Variants in PTPRM observed in about 807,000 individuals in gnomAD.
The protein encoded by PTPRM is receptor-type tyrosine-protein phosphatase mu.
In PTPRM, 47 loss-of-function variants were observed where a neutral mutation model predicts 186.7. The ratio of observed to expected loss-of-function variants is 0.25; its 90% CI spans 0.20 to 0.32. The LOEUF (loss-of-function observed/expected upper bound fraction) is 0.32. PTPRM is among the 10% of genes least tolerant of loss of function. The probability of loss-of-function intolerance (pLI) is 1.00; values close to 1 mark genes in which losing one functional copy is unlikely to be tolerated. For missense variants in PTPRM, 1,494 were observed against 1,865.0 expected, an observed-to-expected ratio of 0.80 and a Z score of 3.66; for synonymous variants, 668 against 674.9, an observed-to-expected ratio of 0.99 and a Z score of 0.16.
At chr18:8,314,890 A>C in intron 21 of PTPRM, 33 bp downstream of exon 21, 1 of 1,368,720 alleles carries the variant, frequency 7.3e-7, no homozygotes, top group Non-Finnish European at 1.0e-6. Flanking sequence ...TTGATATATA[A>C]TTGTTGTACA....
intron 2 of PTPRM, among the ~76,000 whole-genome samples, chr18:7,800,580 A>ACAAAT (rs766265173): frequency 1.3e-5 from 2 of 152,348 alleles, no homozygotes; most frequent in East Asian, 3.9e-4. Flanking sequence ...CATGTAATGG[A>ACAAAT]CAAATCAAAT....
intron 13 of PTPRM, among the ~76,000 whole-genome samples, chr18:8,118,812 ATAT>A (rs1422958853): frequency 1.7e-3 from 128 of 75,204 alleles, no homozygotes; most frequent in African/African-American, 6.4e-3. Flanking sequence ...AAAAAAAAAA[ATAT>A]ATATATATAT....
At chr18:8,106,022 C>T (rs2091500229) in intron 11 of PTPRM, among the ~76,000 whole-genome samples, 1 of 152,164 alleles carries the variant, frequency 6.6e-6, no homozygotes, top group Admixed American at 6.5e-5. Flanking sequence ...TTTCCCGGCC[C>T]ACCCTCAGGT....
At chr18:7,941,850 T>C (rs1011694440) in intron 5 of PTPRM, among the ~76,000 whole-genome samples, 2 of 152,234 alleles carry the variant, frequency 1.3e-5, no homozygotes, top group Admixed American at 1.3e-4. Context: ...CTCTGAACAC[T>C]GTGCTTCCTC....
Position 7,792,013 on chromosome 18 carries a change from G to A in PTPRM, c.196+17742G>A, listed in dbSNP as rs951618347. ...TTTCCCAGATAGAGCAAAGATATATGAGCATATATTGCTACTTAATTCAGT... is the reference window on the plus strand; with the variant it reads ...TTTCCCAGATAGAGCAAAGATATATAAGCATATATTGCTACTTAATTCAGT... On this transcript the variant is annotated intron_variant, in intron 2 of 32. Coordinates refer to ENST00000580170, the MANE Select transcript of PTPRM (RefSeq NM_001105244.2). Among the ~76,000 whole-genome samples, 5 of 152,072 alleles carry A rather than the reference G, an allele frequency of 3.3e-5. No individual in the cohort carries two copies. The South Asian group carries it at 8.3e-4, about 25-fold the overall frequency.
At chr18:8,115,384 G>A (rs1175708902) in intron 13 of PTPRM, among the ~76,000 whole-genome samples, 2 of 152,128 alleles carry the variant, frequency 1.3e-5, no homozygotes. Flanking sequence ...TAGAGGATGA[G>A]CTGCAAAAGT....
chr18:8,032,283 G>A (rs1389439039), intron 7 of PTPRM, among the ~76,000 whole-genome samples: 2 of 151,972 alleles, frequency 1.3e-5, no homozygotes, highest in Admixed American at 1.3e-4. Flanking sequence ...GTAAAAATGG[G>A]GATTGTTATG....
chr18:8,112,589 C>A (rs2091803698), intron 11 of PTPRM, among the ~76,000 whole-genome samples: 1 of 152,180 alleles, frequency 6.6e-6, no homozygotes, highest in Non-Finnish European at 1.5e-5. Flanking sequence ...TAGTTTTTCT[C>A]AGCATGAGAA....
At chr18:8,404,985 G>C (rs962718698) in intron 32 of PTPRM, 2 of 152,086 alleles carry the variant, frequency 1.3e-5, no homozygotes, top group Admixed American at 1.3e-4. Context: ...ACACGATCCA[G>C]GAAAGCTGAG....
At position 8,085,593 on chromosome 18, in the gene PTPRM, C is replaced by T. The variant is rs2090390520; in HGVS notation, c.1552-78C>T. 1.4e-5 allele frequency: 18 copies of T among 1,267,458 alleles called. No individual in the cohort carries two copies. The South Asian group carries it at 1.8e-4, about 13-fold the overall frequency. 78.5% of individuals were successfully genotyped at this position (1,267,458 alleles called of 1,614,324 possible). A position where few individuals can be genotyped will look rare whatever the true frequency, so the allele number is the denominator to read the frequency against. ...ATAAAGTGTCTGACAGTGCATACAT[C>T]AGAAGGGTTTATTGGATAAAGATGC... On this transcript the variant is annotated intron_variant, in intron 9 of 32. Coordinates refer to ENST00000580170, the MANE Select transcript of PTPRM (RefSeq NM_001105244.2).
At chr18:7,868,903 G>A in intron 2 of PTPRM, among the ~76,000 whole-genome samples, 1 of 152,220 alleles carries the variant, frequency 6.6e-6, no homozygotes, top group East Asian at 1.9e-4. Context: ...TGCCCAGAGA[G>A]GAGGAAGCTA....
intron 1 of PTPRM, among the ~76,000 whole-genome samples, chr18:7,750,198 TTTAAG>T (rs2041145100): frequency 6.6e-6 from 1 of 152,242 alleles, no homozygotes; most frequent in Non-Finnish European, 1.5e-5. Context: ...AATACCATGG[TTTAAG>T]TTTAGTTTTG....
intron 5 of PTPRM, among the ~76,000 whole-genome samples, chr18:7,930,682 C>T (rs1451067005): frequency 6.6e-6 from 1 of 152,058 alleles, no homozygotes; most frequent in Non-Finnish European, 1.5e-5. Flanking sequence ...AATATTACAT[C>T]GTTAATATCA....
chr18:8,137,546 T>C (rs1337714845), intron 13 of PTPRM, among the ~76,000 whole-genome samples: 1 of 152,210 alleles, frequency 6.6e-6, no homozygotes, highest in African/African-American at 2.4e-5. Context: ...GCCTGCGTAT[T>C]GCTGCCCAGT....
At chr18:7,675,135 T>G (rs1196755835) in intron 1 of PTPRM, among the ~76,000 whole-genome samples, 1 of 152,216 alleles carries the variant, frequency 6.6e-6, no homozygotes, top group Non-Finnish European at 1.5e-5. Flanking sequence ...AAATTGGGTT[T>G]TAGTAAAATA....
chr18:7,890,908 A>G (rs554122338), intron 3 of PTPRM, among the ~76,000 whole-genome samples: 124 of 152,254 alleles, frequency 8.1e-4, no homozygotes, highest in African/African-American at 2.9e-3. Context: ...GGTATAAAGC[A>G]ATACATTAAA....
At chr18:8,363,394 C>T (rs2095608650) in intron 23 of PTPRM, among the ~76,000 whole-genome samples, 1 of 152,156 alleles carries the variant, frequency 6.6e-6, no homozygotes, top group Admixed American at 6.5e-5. Flanking sequence ...TATACTGTGA[C>T]CCTGACACAT....
chr18:7,919,646 G>A (rs1450837515), intron 4 of PTPRM, among the ~76,000 whole-genome samples: 2 of 152,058 alleles, frequency 1.3e-5, no homozygotes, highest in Non-Finnish European at 2.9e-5. Context: ...GTTCTGTTCT[G>A]GATAATTTTG....
At chr18:8,158,045 G>T (rs2146309516) in intron 14 of PTPRM, among the ~76,000 whole-genome samples, 1 of 152,318 alleles carries the variant, frequency 6.6e-6, no homozygotes, top group East Asian at 1.9e-4. Flanking sequence ...ACCACATTCA[G>T]CAGGGCTGAA....
Sources: allele counts gnomAD v4.1 joint callset (sites outside exome capture counted in the v4.1 genomes callset), GRCh38; gene constraint gnomAD v4.1.1; transcripts MANE v1.5; gene names NCBI Gene and HGNC (gene_info 2026-07-23, HGNC 2026-07-21).